Variants in DAPK2 observed in about 807,000 individuals in gnomAD.
DAPK2 encodes death associated protein kinase 2.
DAPK2 carries 35 observed loss-of-function variants against 44.1 expected under a neutral mutation model. The observed-to-expected ratio is 0.79, with a 90% confidence interval of 0.61 to 1.05. The LOEUF (loss-of-function observed/expected upper bound fraction) is 1.05, where lower values mean the gene tolerates loss of function less well. DAPK2 is among the 50% of genes least tolerant of loss of function. The pLI, the probability that DAPK2 is intolerant of heterozygous loss-of-function variation, is 0.00. For synonymous variants in DAPK2, 174 were observed against 182.6 expected (o/e 0.95, Z 0.38); for missense variants, 453 against 483.2 (o/e 0.94, Z 0.59).
chr15:63,956,231 A>G (rs1001989476), intron 3 of DAPK2, among the ~76,000 whole-genome samples: 2 of 152,088 alleles, frequency 1.3e-5, no homozygotes, highest in Non-Finnish European at 2.9e-5. Context: ...TACCTTTTCA[A>G]AAAACCAACT....
exon 2 of DAPK2, chr15:63,983,569 T>C (rs771436759): frequency 8.4e-5 from 136 of 1,614,064 alleles, no homozygotes; most frequent in Non-Finnish European, 1.1e-4. Flanking sequence ...GCGGTTCTCA[T>C]AGACGTCGTG....
intron 1 of DAPK2, among the ~76,000 whole-genome samples, chr15:64,025,313 C>T (rs2079806983): frequency 6.6e-6 from 1 of 152,206 alleles, no homozygotes; most frequent in Admixed American, 6.5e-5. Flanking sequence ...TAACAGACCT[C>T]AGAGCTTAGT....
chr15:64,036,068 C>T (rs1212521832), intron 1 of DAPK2, among the ~76,000 whole-genome samples: 1 of 151,614 alleles, frequency 6.6e-6, no homozygotes, highest in African/African-American at 2.4e-5. Context: ...CGAGACCATC[C>T]TGGCCAGCAT....
intron 3 of DAPK2, among the ~76,000 whole-genome samples, chr15:63,955,412 TC>T (rs1366739303): frequency 6.6e-6 from 1 of 152,218 alleles, no homozygotes; most frequent in African/African-American, 2.4e-5. Flanking sequence ...GTATAATGCA[TC>T]AATGTTCATC....
chr15:63,973,399 G>A (rs981412626), intron 2 of DAPK2, among the ~76,000 whole-genome samples: 3 of 152,240 alleles, frequency 2.0e-5, no homozygotes, highest in African/African-American at 7.2e-5. Context: ...TGGGCCTGGA[G>A]GGCAGAGCAA....
upstream of DAPK2, among the ~76,000 whole-genome samples, chr15:64,040,802 T>C (rs2080334057): frequency 6.7e-6 from 1 of 148,954 alleles, no homozygotes; most frequent in East Asian, 2.0e-4. Context: ...TCCCAGCTAC[T>C]TGGGAGGAGG....
intron 3 of DAPK2, among the ~76,000 whole-genome samples, chr15:63,961,168 C>A (rs189830963): frequency 6.6e-6 from 1 of 151,920 alleles, no homozygotes; most frequent in East Asian, 1.9e-4. Flanking sequence ...AGGATTGCAA[C>A]CCTTGCTTTT....
At chr15:63,943,943 G>A (rs2077383843) in intron 3 of DAPK2, among the ~76,000 whole-genome samples, 2 of 152,120 alleles carry the variant, frequency 1.3e-5, no homozygotes, top group South Asian at 2.1e-4. Flanking sequence ...CTGGCAACCT[G>A]GGGCAACCTC....
chr15:63,956,186 C>T (rs2077717881), intron 3 of DAPK2, among the ~76,000 whole-genome samples: 1 of 151,908 alleles, frequency 6.6e-6, no homozygotes, highest in African/African-American at 2.4e-5. Flanking sequence ...GGTCTTTTTT[C>T]CTCTTAGTAG....
intron 1 of DAPK2, among the ~76,000 whole-genome samples, chr15:63,986,950 T>G (rs923940177): frequency 2.0e-5 from 3 of 152,202 alleles, no homozygotes; most frequent in African/African-American, 4.8e-5. Context: ...AGTATTACAC[T>G]TCCCCATAGT....
chr15:64,008,386 A>G (rs2141006977), intron 1 of DAPK2, among the ~76,000 whole-genome samples: 1 of 152,344 alleles, frequency 6.6e-6, no homozygotes, highest in Middle Eastern at 3.4e-3. Context: ...GTTGAGACTC[A>G]CAGAGTTACA....
At chr15:63,954,040 T>C (rs543066025) in intron 3 of DAPK2, among the ~76,000 whole-genome samples, 1 of 152,352 alleles carries the variant, frequency 6.6e-6, no homozygotes, top group East Asian at 1.9e-4. Flanking sequence ...GAGCTCCTTA[T>C]ATATTCTGGT....
intron 1 of DAPK2, among the ~76,000 whole-genome samples, chr15:64,025,388 C>T (rs2079809573): frequency 6.6e-6 from 1 of 152,202 alleles, no homozygotes; most frequent in African/African-American, 2.4e-5. Flanking sequence ...CTTCTTCCTA[C>T]CCCAGCCACA....
At chr15:63,922,481 G>T in intron 8 of DAPK2, 1 of 1,269,294 alleles carries the variant, frequency 7.9e-7, no homozygotes, top group Non-Finnish European at 1.0e-6. Context: ...ACCCTGAGGG[G>T]TACTCACTCT....
intron 1 of DAPK2, among the ~76,000 whole-genome samples, chr15:64,029,224 G>C (rs772948502): frequency 6.6e-5 from 10 of 151,464 alleles, no homozygotes; most frequent in Non-Finnish European, 1.2e-4. Context: ...ACTGTGTGCT[G>C]AGCTTCTAAC....
At chr15:63,937,160 G>A (rs1482635092) in intron 4 of DAPK2, among the ~76,000 whole-genome samples, 1 of 152,074 alleles carries the variant, frequency 6.6e-6, no homozygotes, top group Admixed American at 6.6e-5. Flanking sequence ...TCTTGGGAAA[G>A]AAAGTCATCA....
At chr15:64,001,838 G>T (rs117301931) in intron 1 of DAPK2, among the ~76,000 whole-genome samples, 2 of 152,178 alleles carry the variant, frequency 1.3e-5, no homozygotes, top group East Asian at 3.9e-4. Flanking sequence ...AAAATATTAC[G>T]GCAAGGCCCC....
intron 1 of DAPK2, among the ~76,000 whole-genome samples, chr15:64,004,388 G>A (rs2079173306): frequency 6.6e-6 from 1 of 152,112 alleles, no homozygotes; most frequent in Non-Finnish European, 1.5e-5. Flanking sequence ...CTCTCTTTGT[G>A]ATATTACCAG....
At chr15:63,946,461 TG>T (rs1248685706) in intron 3 of DAPK2, among the ~76,000 whole-genome samples, 2 of 152,152 alleles carry the variant, frequency 1.3e-5, no homozygotes, top group Non-Finnish European at 2.9e-5. Context: ...ATCTATAAAA[TG>T]GGGGCAAAAC....
Sources: gnomAD v4.1 joint callset for allele counts (sites outside exome capture counted in the v4.1 genomes callset) on GRCh38, gnomAD v4.1.1 for gene constraint, MANE v1.5 for transcripts, NCBI Gene and HGNC (gene_info 2026-07-23, HGNC 2026-07-21) for gene names.